KLHL1: variants seen among roughly 807,000 people sequenced by gnomAD.
KLHL1 encodes the protein kelch-like protein 1.
In KLHL1, 47 loss-of-function variants were observed where a neutral mutation model predicts 77.7. The ratio of observed to expected loss-of-function variants is 0.60; its 90% CI spans 0.48 to 0.77. The LOEUF (loss-of-function observed/expected upper bound fraction) is 0.77. Among genes scored for constraint, KLHL1 ranks in the 30% least tolerant of loss-of-function variants. The pLI is 0.00. For missense variants in KLHL1, 925 were observed against 910.8 expected, an observed-to-expected ratio of 1.02 and a Z score of -0.20; for synonymous variants, 360 against 325.2, an observed-to-expected ratio of 1.11 and a Z score of -1.15.
chr13:70,033,974 T>C (rs1408814744), intron 1 of KLHL1, among the ~76,000 whole-genome samples: 1 of 152,032 alleles, frequency 6.6e-6, no homozygotes, highest in Non-Finnish European at 1.5e-5. Flanking sequence ...AAATATAAAA[T>C]CATCAGGCAC....
intron 4 of KLHL1, among the ~76,000 whole-genome samples, chr13:69,937,507 C>T (rs1883223776): frequency 6.6e-6 from 1 of 152,038 alleles, no homozygotes. Flanking sequence ...ATGTTATATC[C>T]AGAATTAAGC....
Position 69,701,710 on chromosome 13 carries a change from G to T in KLHL1, c.2239C>A (p.Gln747Lys), listed in dbSNP as rs762261196. 2.5e-6 allele frequency: 4 copies of T among 1,606,846 alleles called. No homozygotes were observed. The highest frequency in any genetic ancestry group is 3.4e-6 in the Non-Finnish European group (4 of 1,175,268). The change falls in exon 11 of 11, where the codon CAA becomes AAA. Residue 747 changes from glutamine (Q) to lysine (K), a missense_variant. Transcript: ENST00000377844. ...RAGACVVVIK[Q>K]P ...AGTAAAATATCAATAAGTCAAGGTTGCTTGATGACTACCACACAGGCACCT... is the reference window on the plus strand; with the variant it reads ...AGTAAAATATCAATAAGTCAAGGTTTCTTGATGACTACCACACAGGCACCT...
intron 5 of KLHL1, among the ~76,000 whole-genome samples, chr13:69,862,354 T>C (rs1439493657): frequency 6.6e-6 from 1 of 152,102 alleles, no homozygotes; most frequent in Non-Finnish European, 1.5e-5. Context: ...AACAAAATCT[T>C]GAACTTAGGA....
At chr13:69,957,671 C>A (rs946083169) in intron 3 of KLHL1, among the ~76,000 whole-genome samples, 3 of 151,684 alleles carry the variant, frequency 2.0e-5, no homozygotes, top group Admixed American at 1.3e-4. Flanking sequence ...TACTGATATA[C>A]AATCTGAATT....
At chr13:69,705,320 G>A (rs1157582113) in intron 10 of KLHL1, among the ~76,000 whole-genome samples, 1 of 151,648 alleles carries the variant, frequency 6.6e-6, no homozygotes, top group Non-Finnish European at 1.5e-5. Flanking sequence ...TACATATGGT[G>A]TGTGTATGCA....
At chr13:69,835,930 G>T (rs74090484) in intron 6 of KLHL1, among the ~76,000 whole-genome samples, 2,832 of 152,082 alleles carry the variant, frequency 0.019, 85 homozygotes, top group African/African-American at 0.064. Context: ...ATACACAGGG[G>T]CTTCTTTTAA....
At chr13:69,939,975 G>A in intron 4 of KLHL1, 65 bp downstream of exon 4, 1 of 1,267,532 alleles carries the variant, frequency 7.9e-7, no homozygotes, top group Non-Finnish European at 1.1e-6. Flanking sequence ...TGCCATGACA[G>A]TAATTATTTT....
chr13:69,783,343 G>C (rs1047619024), intron 7 of KLHL1, among the ~76,000 whole-genome samples: 1 of 152,186 alleles, frequency 6.6e-6, no homozygotes, highest in African/African-American at 2.4e-5. Flanking sequence ...TTGATGAGTT[G>C]AGAGAAGAAG....
At chr13:70,079,834 A>G (rs1303953455) in intron 1 of KLHL1, among the ~76,000 whole-genome samples, 1 of 152,206 alleles carries the variant, frequency 6.6e-6, no homozygotes, top group Non-Finnish European at 1.5e-5. Context: ...ATTTGAACTC[A>G]GCATACTGAG....
chr13:69,901,705 A>G (rs538117018), intron 4 of KLHL1, among the ~76,000 whole-genome samples: 2 of 151,950 alleles, frequency 1.3e-5, no homozygotes, highest in South Asian at 2.1e-4. Context: ...TAAATTGATG[A>G]TATCTGTTGC....
At chr13:70,094,346 A>C (rs1385822118) in intron 1 of KLHL1, among the ~76,000 whole-genome samples, 1 of 150,814 alleles carries the variant, frequency 6.6e-6, no homozygotes, top group African/African-American at 2.5e-5. Flanking sequence ...ATAAAAATTA[A>C]AATTAAAAAA....
intron 5 of KLHL1, among the ~76,000 whole-genome samples, chr13:69,867,084 AC>A (rs1460219582): frequency 6.6e-6 from 1 of 152,076 alleles, no homozygotes; most frequent in African/African-American, 2.4e-5. Context: ...TTTTGGGAAA[AC>A]TGTACAGTAG....
At chr13:69,947,311 G>A (rs529482474) in intron 3 of KLHL1, among the ~76,000 whole-genome samples, 15 of 152,068 alleles carry the variant, frequency 9.9e-5, no homozygotes, top group Non-Finnish European at 1.5e-4. Context: ...GGCAAATGGT[G>A]TATAATTGAC....
At chr13:69,954,987 C>A (rs991115132) in intron 3 of KLHL1, among the ~76,000 whole-genome samples, 2 of 150,962 alleles carry the variant, frequency 1.3e-5, no homozygotes, top group African/African-American at 2.4e-5. Context: ...TTGCTTAAAT[C>A]AACACTTTTA....
chr13:69,886,697 T>C (rs2138202271), intron 4 of KLHL1, among the ~76,000 whole-genome samples: 1 of 152,292 alleles, frequency 6.6e-6, no homozygotes, highest in African/African-American at 2.4e-5. Context: ...TTTTGTTTAC[T>C]TCATGAGCAG....
chr13:69,718,375 C>A (rs1872871214), intron 9 of KLHL1, among the ~76,000 whole-genome samples: 1 of 151,230 alleles, frequency 6.6e-6, no homozygotes, highest in South Asian at 2.1e-4. Context: ...TGGCTTTTTC[C>A]TTTTGACATA....
chr13:69,726,937 G>A (rs1248957235), intron 8 of KLHL1, among the ~76,000 whole-genome samples: 2 of 152,032 alleles, frequency 1.3e-5, no homozygotes, highest in Non-Finnish European at 2.9e-5. Flanking sequence ...TGAAGCACTT[G>A]TTTTTAATTC....
chr13:70,029,921 G>T (rs1179544106), intron 1 of KLHL1, among the ~76,000 whole-genome samples: 1 of 151,630 alleles, frequency 6.6e-6, no homozygotes, highest in Admixed American at 6.6e-5. Context: ...CAAGCAAATG[G>T]AAAACAAAAA....
At chr13:70,038,822 C>A (rs971901859) in intron 1 of KLHL1, among the ~76,000 whole-genome samples, 37 of 151,840 alleles carry the variant, frequency 2.4e-4, no homozygotes, top group Non-Finnish European at 8.8e-5. Context: ...AACTCCTGAC[C>A]TCAGGTGATC....
Sources: gnomAD v4.1 joint callset for allele counts (sites outside exome capture counted in the v4.1 genomes callset) on GRCh38, gnomAD v4.1.1 for gene constraint, MANE v1.5 for transcripts, NCBI Gene and HGNC (gene_info 2026-07-23, HGNC 2026-07-21) for gene names.